The following COG3 variants were observed in gnomAD, a reference collection of about 807,000 sequenced individuals.
COG3 encodes conserved oligomeric Golgi complex subunit 3.
In COG3, 32 loss-of-function variants were observed where a neutral mutation model predicts 114.1. That is an observed-to-expected ratio of 0.28 (90% confidence interval 0.21 to 0.38). COG3 has a LOEUF of 0.38. COG3 is among the 10% of genes least tolerant of loss of function. The pLI is 1.00. For synonymous variants in COG3, 352 were observed against 365.7 expected (o/e 0.96, Z 0.43); for missense variants, 813 against 973.2 (o/e 0.84, Z 2.19).
intron 10 of COG3, 113 bp downstream of exon 10, chr13:45,491,651 G>C: frequency 1.0e-6 from 1 of 992,358 alleles, no homozygotes; most frequent in Non-Finnish European, 1.4e-6. Context: ...AACTGAAAAA[G>C]CATGTTTTTC....
chr13:45,530,516 G>T (rs1035824909), intron 21 of COG3, among the ~76,000 whole-genome samples, 166 bp from the exon 22 acceptor site: 3 of 152,158 alleles, frequency 2.0e-5, no homozygotes, highest in Non-Finnish European at 4.4e-5. Flanking sequence ...TCTTCATCAG[G>T]TCATGCCAGC....
intron 13 of COG3, among the ~76,000 whole-genome samples, chr13:45,496,997 T>A (rs1868873834): frequency 6.6e-6 from 1 of 152,248 alleles, no homozygotes; most frequent in South Asian, 2.1e-4. Flanking sequence ...TTTATAAACA[T>A]TCTATTCCAT....
At chr13:45,490,996 C>A (rs377103887) in intron 9 of COG3, 38 bp downstream of exon 9, 1 of 1,394,382 alleles carries the variant, frequency 7.2e-7, no homozygotes, top group Non-Finnish European at 1.0e-6. Context: ...CCACATGAAC[C>A]TTTGTCTTGT....
Position 45,533,130 on chromosome 13 carries a change from A to C in COG3, c.2458-1572A>C, listed in dbSNP as rs1403378652. On this transcript the variant is annotated intron_variant, in intron 22 of 22. Coordinates refer to ENST00000349995, the MANE Select transcript of COG3 (RefSeq NM_031431.4). ...GTGCTTCACGTTTCTGAGTGAAATA[A>C]GAAGCAAGGTCATCACCGAGAGGGA... 3.3e-5 allele frequency among the ~76,000 whole-genome samples: 5 copies of C among 151,946 alleles called. No individual in the cohort carries two copies. The East Asian group carries it at 7.7e-4, about 24-fold the overall frequency.
chr13:45,472,647 AT>A (rs1426304785), intron 1 of COG3, among the ~76,000 whole-genome samples: 7 of 151,774 alleles, frequency 4.6e-5, no homozygotes, highest in Non-Finnish European at 8.8e-5. Flanking sequence ...CATTGCAGGT[AT>A]TCTTCATCTT....
intron 14 of COG3, among the ~76,000 whole-genome samples, chr13:45,507,329 A>G (rs1870263836): frequency 6.6e-6 from 1 of 152,228 alleles, no homozygotes; most frequent in Non-Finnish European, 1.5e-5. Context: ...GAAACTTAAT[A>G]CAAATTAAAT....
intron 20 of COG3, among the ~76,000 whole-genome samples, chr13:45,525,888 C>T (rs1376284036): frequency 2.0e-5 from 3 of 151,420 alleles, no homozygotes; most frequent in Non-Finnish European, 4.4e-5. Context: ...CAGCTTTCCA[C>T]TCAGTGAGAG....
rs754339741 is a variant in COG3 at position 45,519,052 on chromosome 13, G to C, written c.2112G>C (p.Gln704His). 6.2e-7 allele frequency: 1 copy of C among 1,614,196 alleles called. No homozygotes were observed. Among genetic ancestry groups the C allele is most frequent in the Admixed American group, 1.7e-5 (1 of 60,036 alleles). Residue 704 changes from glutamine (Q) to histidine (H), a missense_variant, in exon 19 of 23, where the codon CAG (glutamine) becomes CAC (histidine). Coordinates refer to ENST00000349995, the MANE Select transcript of COG3 (RefSeq NM_031431.4). ...CCTGTGAGCAGTTTATTCAGCAGCA[G>C]ACCAAGCTGTTTGTAGAACAGCTGG... ...KSACEQFIQQQTKLFVEQLEE... is the reference protein window; with the variant it reads ...KSACEQFIQQHTKLFVEQLEE...
chr13:45,533,792 G>T (rs551382950), intron 22 of COG3, among the ~76,000 whole-genome samples: 1 of 152,116 alleles, frequency 6.6e-6, no homozygotes, highest in African/African-American at 2.4e-5. Flanking sequence ...CAGTTATTCC[G>T]CAGACTGTCT....
chr13:45,497,258 G>A (rs1283931373), intron 13 of COG3, among the ~76,000 whole-genome samples: 10 of 152,100 alleles, frequency 6.6e-5, no homozygotes, highest in Admixed American at 5.9e-4. Flanking sequence ...TTCCATATAT[G>A]TCTTCATTTT....
chr13:45,532,109 A>G (rs1016842490), intron 22 of COG3: 1 of 152,140 alleles, frequency 6.6e-6, no homozygotes, highest in Non-Finnish European at 1.5e-5. Context: ...GAATCATACA[A>G]TATGTGGCCT....
At chr13:45,466,912 A>G (rs890347969) in intron 1 of COG3, among the ~76,000 whole-genome samples, 1 of 152,200 alleles carries the variant, frequency 6.6e-6, no homozygotes, top group Non-Finnish European at 1.5e-5. Context: ...GGTATTGAAG[A>G]TAGAAAGATA....
chr13:45,503,682 T>C (rs1869799467), intron 14 of COG3, among the ~76,000 whole-genome samples: 1 of 152,088 alleles, frequency 6.6e-6, no homozygotes, highest in Non-Finnish European at 1.5e-5. Context: ...AGTAAGTTTG[T>C]TTAAGATAGA....
Position 45,490,896 on chromosome 13 carries a change from A to AT in COG3, c.925-13dup, listed in dbSNP as rs1886980228. The AT allele has an allele frequency of 4.6e-6, 7 of 1,532,806 alleles. No individual in the cohort carries two copies. The highest frequency in any genetic ancestry group is 1.7e-4 in the Middle Eastern group (1 of 5,740). 95.0% of individuals were successfully genotyped at this position (1,532,806 alleles called of 1,614,324 possible). ...TATAACAGAGATGGTTTTTTGATGCATTTTTTCTTACTTTGCAGACTCTTA... is the reference window on the plus strand; with the variant it reads ...TATAACAGAGATGGTTTTTTGATGCATTTTTTTCTTACTTTGCAGACTCTTA... On this transcript the variant is annotated intron_variant, in intron 8 of 22. Transcript: ENST00000349995.
chr13:45,525,156 G>A (rs886829617), intron 20 of COG3, 105 bp downstream of exon 20: 4 of 838,288 alleles, frequency 4.8e-6, no homozygotes, highest in Non-Finnish European at 7.4e-6. Context: ...ATTCACTCTG[G>A]GGTGCTGCAA....
At chr13:45,494,835 G>A (rs912212695) in intron 12 of COG3, among the ~76,000 whole-genome samples, 3 of 142,718 alleles carry the variant, frequency 2.1e-5, no homozygotes, top group Admixed American at 1.4e-4. Flanking sequence ...CAAAATTAAT[G>A]TGATTTTTTT....
rs9526089 is a variant in COG3, at chr13:45,510,820, C to T, written c.1720-945C>T. Among the ~76,000 whole-genome samples, 45 of 152,326 alleles carry T rather than the reference C, an allele frequency of 3.0e-4. 1 individual carries two copies. In the East Asian group the frequency reaches 8.5e-3, roughly 29 times the overall value. ...TACGTTAAGGCTGAGCAAGGGAAGG[C>T]GAGGGTCTTGGTCTAAGCTGCTCAT... On this transcript the variant is annotated intron_variant, in intron 15 of 22. Transcript: ENST00000349995.
chr13:45,465,342 C>T (rs923617635), intron 1 of COG3, 132 bp downstream of exon 1: 9 of 1,379,346 alleles, frequency 6.5e-6, no homozygotes, highest in Non-Finnish European at 8.6e-6. Context: ...GGTGGCGGAT[C>T]CGGTGGGAGG....
intron 8 of COG3, among the ~76,000 whole-genome samples, chr13:45,489,281 G>A (rs376544776): frequency 0.072 from 741 of 10,256 alleles, 5 homozygotes; most frequent in Non-Finnish European, 0.098. Context: ...AAAAAAAAAA[G>A]CCAACCAGTT....
Sources: allele counts gnomAD v4.1 joint callset (sites outside exome capture counted in the v4.1 genomes callset), GRCh38; gene constraint gnomAD v4.1.1; transcripts MANE v1.5; gene names NCBI Gene and HGNC (gene_info 2026-07-23, HGNC 2026-07-21).